FANK1: variants seen among roughly 807,000 people sequenced by gnomAD.
FANK1 encodes the protein fibronectin type 3 and ankyrin repeat domains protein 1.
In FANK1, 44 loss-of-function variants were observed where a neutral mutation model predicts 45.3. That is an observed-to-expected ratio of 0.97 (90% CI 0.76 to 1.25). FANK1 has a LOEUF of 1.25. Among genes scored for constraint, FANK1 ranks in the 50% most tolerant of loss-of-function variants. The pLI, the probability that FANK1 is intolerant of heterozygous loss-of-function variation, is 0.00. For synonymous variants in FANK1, 149 were observed against 152.5 expected (o/e 0.98, Z 0.17); for missense variants, 391 against 424.4 (o/e 0.92, Z 0.69).
chr10:126,009,333 A>T (rs757942304), intron 10 of FANK1, 40 bp from the exon 11 acceptor site: 6 of 1,614,004 alleles, frequency 3.7e-6, no homozygotes, highest in Non-Finnish European at 5.1e-6. Context: ...AAACCACCAA[A>T]ACCCTGGATT....
intron 1 of FANK1, among the ~76,000 whole-genome samples, chr10:125,912,483 TGTG>T (rs1946102913): frequency 3.4e-5 from 5 of 149,174 alleles, no homozygotes; most frequent in Admixed American, 6.6e-5. Flanking sequence ...TGTGTGTGTG[TGTG>T]TTTTTGAGAT....
At chr10:125,919,206 T>TTTG (rs1946747074) in intron 1 of FANK1, among the ~76,000 whole-genome samples, 1 of 111,686 alleles carries the variant, frequency 9.0e-6, no homozygotes, top group African/African-American at 3.5e-5. Context: ...TTTTTTTTTT[T>TTTG]TTTTTTTTTT....
chr10:125,970,152 AC>A (rs1325500980), intron 1 of FANK1, among the ~76,000 whole-genome samples: 1 of 152,146 alleles, frequency 6.6e-6, no homozygotes, highest in Non-Finnish European at 1.5e-5. Context: ...CACCTCCCAG[AC>A]GGGGTGGCGG....
At chr10:125,917,259 C>G (rs1946522188) in intron 1 of FANK1, among the ~76,000 whole-genome samples, 1 of 152,180 alleles carries the variant, frequency 6.6e-6, no homozygotes, top group African/African-American at 2.4e-5. Context: ...AGGAAGTCCC[C>G]TCTGCTTTAA....
chr10:125,944,177 G>A (rs1948626824), intron 1 of FANK1, among the ~76,000 whole-genome samples: 2 of 152,202 alleles, frequency 1.3e-5, no homozygotes, highest in Non-Finnish European at 2.9e-5. Context: ...CACGATAATG[G>A]CATACATAAA....
At chr10:125,964,784 C>T (rs1018699990) in intron 1 of FANK1, among the ~76,000 whole-genome samples, 5 of 152,230 alleles carry the variant, frequency 3.3e-5, no homozygotes, top group Non-Finnish European at 5.9e-5. Context: ...ACAACCTCAA[C>T]TTAGCCTTGC....
At position 125,935,251 on chromosome 10, in the gene FANK1, G is replaced by T. The variant is rs142290193; in HGVS notation, c.13+38596G>T. Among the ~76,000 whole-genome samples, 58 of 152,306 alleles carry T rather than the reference G, an allele frequency of 3.8e-4. No homozygotes were observed. The East Asian group carries it at 8.1e-3, about 21-fold the overall frequency. ...GTTTGTAACTGGGGATTATCTGATT[G>T]TTATCTCTCTGCCCTGTGGAACTAT... On this transcript the variant is annotated intron_variant, in intron 1 of 10. Coordinates refer to ENST00000368693, the MANE Select transcript of FANK1 (RefSeq NM_145235.5).
chr10:125,909,875 C>T (rs1047746612), intron 1 of FANK1, among the ~76,000 whole-genome samples: 13 of 150,322 alleles, frequency 8.6e-5, no homozygotes, highest in East Asian at 7.7e-4. Flanking sequence ...CATGTGTTTA[C>T]GATTATAGAT....
rs373490351 is a variant in FANK1 at position 125,995,369 on chromosome 10, C to T, written c.317-48C>T. 4.5e-6 allele frequency: 7 copies of T among 1,568,552 alleles called. No individual in the cohort carries two copies. The African/African-American group carries it at 5.4e-5, about 12-fold the overall frequency. ...CAGGAGGACGATGGCGGGAAGCAGT[C>T]TCCTTTTCTGATGTTCTGGATGACT... On this transcript the variant is annotated intron_variant, in intron 3 of 10. Transcript: ENST00000368693.
chr10:125,993,740 A>T (rs1174298663), intron 3 of FANK1, among the ~76,000 whole-genome samples: 1 of 152,168 alleles, frequency 6.6e-6, no homozygotes, highest in Non-Finnish European at 1.5e-5. Flanking sequence ...CTTTTATTTG[A>T]CACTTTTGAT....
At chr10:125,938,276 A>G (rs1948228236) in intron 1 of FANK1, among the ~76,000 whole-genome samples, 1 of 122,836 alleles carries the variant, frequency 8.1e-6, no homozygotes, top group South Asian at 3.1e-4. Context: ...ACTGGAGTGA[A>G]TAGTATGAAT....
chr10:125,909,126 G>A (rs1589801086), intron 1 of FANK1, among the ~76,000 whole-genome samples: 1 of 152,218 alleles, frequency 6.6e-6, no homozygotes, highest in East Asian at 1.9e-4. Flanking sequence ...AGGGTTGCTT[G>A]AATGTCCTTG....
intron 1 of FANK1, among the ~76,000 whole-genome samples, chr10:125,912,264 T>C (rs1174020640): frequency 3.3e-5 from 5 of 152,222 alleles, no homozygotes; most frequent in Admixed American, 3.3e-4. Flanking sequence ...TGTTTTACCA[T>C]ATTGAAGGAC....
intron 1 of FANK1, among the ~76,000 whole-genome samples, chr10:125,939,529 C>A (rs566630407): frequency 6.6e-6 from 1 of 152,108 alleles, no homozygotes; most frequent in Non-Finnish European, 1.5e-5. Flanking sequence ...TTGCAATATT[C>A]TTTTATCTTT....
chr10:125,967,221 T>C (rs1950241930), intron 1 of FANK1, among the ~76,000 whole-genome samples: 1 of 152,178 alleles, frequency 6.6e-6, no homozygotes. Flanking sequence ...CAGTAGTAGA[T>C]AGCACATGGA....
intron 1 of FANK1, among the ~76,000 whole-genome samples, chr10:125,977,963 G>A (rs12258691): frequency 0.015 from 2,217 of 152,308 alleles, 24 homozygotes; most frequent in Non-Finnish European, 0.023. Flanking sequence ...GGCTCTGTTC[G>A]GGGAGTTGCT....
At chr10:125,944,940 G>A (rs1948677337) in intron 1 of FANK1, among the ~76,000 whole-genome samples, 1 of 152,198 alleles carries the variant, frequency 6.6e-6, no homozygotes, top group Non-Finnish European at 1.5e-5. Context: ...ATTTCTGTGT[G>A]TGTGTCTTTA....
At chr10:125,954,423 C>A (rs1949445393) in intron 1 of FANK1, among the ~76,000 whole-genome samples, 1 of 152,094 alleles carries the variant, frequency 6.6e-6, no homozygotes, top group Non-Finnish European at 1.5e-5. Flanking sequence ...CAGTATCTGA[C>A]CCATCATCAG....
At chr10:125,948,675 A>G (rs527499859) in intron 1 of FANK1, among the ~76,000 whole-genome samples, 1 of 152,352 alleles carries the variant, frequency 6.6e-6, no homozygotes, top group South Asian at 2.1e-4. Context: ...GCTGAATTCT[A>G]CCAGAGGTAC....
Sources: gnomAD v4.1 joint callset for allele counts (sites outside exome capture counted in the v4.1 genomes callset) on GRCh38, gnomAD v4.1.1 for gene constraint, MANE v1.5 for transcripts, NCBI Gene and HGNC (gene_info 2026-07-23, HGNC 2026-07-21) for gene names.